The following MACROD2 variants were observed in gnomAD, a reference collection of about 807,000 sequenced individuals.
MACROD2 encodes the protein ADP-ribose glycohydrolase MACROD2.
A neutral mutation model predicts 70.4 loss-of-function variants in MACROD2; 36 were observed. The ratio of observed to expected loss-of-function variants is 0.51; its 90% CI spans 0.39 to 0.68. MACROD2 has a LOEUF of 0.68. Among genes scored for constraint, MACROD2 ranks in the 30% least tolerant of loss-of-function variants. MACROD2 has a pLI of 0.00. For missense variants in MACROD2, 496 were observed against 538.4 expected (o/e 0.92, Z 0.78); for synonymous variants, 172 against 178.8 (o/e 0.96, Z 0.30).
At chr20:15,979,879 C>T (rs910190417) in intron 13 of MACROD2, among the ~76,000 whole-genome samples, 1 of 152,046 alleles carries the variant, frequency 6.6e-6, no homozygotes, top group Admixed American at 6.5e-5. Context: ...TGTAGCAGGA[C>T]GAGCCGCAGA....
At chr20:14,468,419 A>T (rs1349821423) in intron 3 of MACROD2, among the ~76,000 whole-genome samples, 4 of 145,026 alleles carry the variant, frequency 2.8e-5, no homozygotes, top group Non-Finnish European at 4.5e-5. Flanking sequence ...TTTATCAGAG[A>T]CTAGGATTGC....
chr20:14,520,476 G>GT (rs2085154330), intron 4 of MACROD2, among the ~76,000 whole-genome samples: 1 of 85,422 alleles, frequency 1.2e-5, no homozygotes, highest in South Asian at 3.6e-4. Context: ...CACTGTTTGA[G>GT]GTTTTTTTTG....
intron 9 of MACROD2, among the ~76,000 whole-genome samples, chr20:15,880,298 A>G (rs1036078096): frequency 2.0e-5 from 3 of 151,938 alleles, no homozygotes; most frequent in Non-Finnish European, 4.4e-5. Flanking sequence ...AGCTAGTTTT[A>G]TTTCCTTAAA....
rs188398045 is a variant in MACROD2, at chr20:14,807,373, C to A, written c.418+122414C>A. ...GGCCTGACTGTTAGAAGGAAACTAA[C>A]AAACAGAAAGCAATATCATCAACAT... On this transcript the variant is annotated intron_variant, in intron 5 of 17. Coordinates refer to ENST00000684519, the MANE Select transcript of MACROD2 (RefSeq NM_001351661.2). Among the ~76,000 whole-genome samples, 8 of 152,210 alleles carry A rather than the reference C, an allele frequency of 5.3e-5. No homozygotes were observed. The East Asian group carries it at 1.5e-3, about 29-fold the overall frequency.
Position 14,789,072 on chromosome 20 carries a change from G to A in MACROD2, c.418+104113G>A, listed in dbSNP as rs375418039. Among the ~76,000 whole-genome samples the A allele has an allele frequency of 8.6e-5, 13 of 151,834 alleles. No homozygotes were observed. The East Asian group carries it at 1.5e-3, about 18-fold the overall frequency. The stretch of plus-strand genomic sequence containing the variant: ...GCATGAGCCACCACGCCTGGTCCCC[G>A]TGTTATTTTTAAAAGGTATCCTTGC... On this transcript the variant is annotated intron_variant, in intron 5 of 17. Transcript: ENST00000684519.
At chr20:14,125,865 G>T (rs903220021) in intron 3 of MACROD2, among the ~76,000 whole-genome samples, 2 of 152,126 alleles carry the variant, frequency 1.3e-5, no homozygotes, top group Non-Finnish European at 2.9e-5. Context: ...TATTGGATTG[G>T]GTTGGACTGG....
intron 8 of MACROD2, among the ~76,000 whole-genome samples, chr20:15,800,946 A>G (rs2063718873): frequency 6.6e-6 from 1 of 151,506 alleles, no homozygotes; most frequent in African/African-American, 2.4e-5. Flanking sequence ...GAATGGATTA[A>G]GGGTGGTGCA....
intron 9 of MACROD2, among the ~76,000 whole-genome samples, chr20:15,881,276 G>A (rs913489264): frequency 6.6e-6 from 1 of 152,094 alleles, no homozygotes; most frequent in Non-Finnish European, 1.5e-5. Flanking sequence ...TGCAGGGCTA[G>A]CCAAGCAGAG....
chr20:15,009,246 C>T (rs1332133635), intron 5 of MACROD2, among the ~76,000 whole-genome samples: 2 of 152,118 alleles, frequency 1.3e-5, no homozygotes, highest in African/African-American at 4.8e-5. Flanking sequence ...AACACTCCAC[C>T]AAGAGTAGTT....
chr20:15,927,835 T>C (rs2065513909), intron 10 of MACROD2, among the ~76,000 whole-genome samples: 1 of 152,178 alleles, frequency 6.6e-6, no homozygotes, highest in Non-Finnish European at 1.5e-5. Flanking sequence ...CTCCCTCCTT[T>C]CCTTCCTTCT....
chr20:14,382,700 A>G (rs1359500050), intron 3 of MACROD2, among the ~76,000 whole-genome samples: 2 of 152,026 alleles, frequency 1.3e-5, no homozygotes, highest in East Asian at 3.9e-4. Flanking sequence ...ATAAATAAAT[A>G]AAAGGTTAAT....
intron 5 of MACROD2, among the ~76,000 whole-genome samples, chr20:14,851,150 ACTTAC>A (rs2073195230): frequency 1.3e-5 from 2 of 152,024 alleles, no homozygotes; most frequent in African/African-American, 4.8e-5. Flanking sequence ...AAAAAGAATC[ACTTAC>A]CTTTTATGAA....
intron 5 of MACROD2, among the ~76,000 whole-genome samples, chr20:15,197,232 A>G (rs1316779228): frequency 1.3e-5 from 2 of 152,174 alleles, no homozygotes; most frequent in Non-Finnish European, 1.5e-5. Flanking sequence ...TTCAATGTTC[A>G]TCATAAAAAT....
chr20:14,663,559 C>G (rs1600513502), intron 4 of MACROD2, among the ~76,000 whole-genome samples: 1 of 147,926 alleles, frequency 6.8e-6, no homozygotes, highest in South Asian at 2.1e-4. Context: ...CACACACATG[C>G]ACACATATAT....
At chr20:15,228,556 C>G (rs1308108124) in intron 5 of MACROD2, among the ~76,000 whole-genome samples, 1 of 133,272 alleles carries the variant, frequency 7.5e-6, no homozygotes, top group African/African-American at 2.9e-5. Flanking sequence ...GCGGTGCAAT[C>G]TCGGCTCACT....
At chr20:15,979,616 T>TA (rs2066366049) in intron 13 of MACROD2, among the ~76,000 whole-genome samples, 1 of 152,170 alleles carries the variant, frequency 6.6e-6, no homozygotes, top group African/African-American at 2.4e-5. Context: ...GAATGTTTTT[T>TA]AAAAAATTCC....
intron 5 of MACROD2, among the ~76,000 whole-genome samples, chr20:15,107,773 G>A (rs960557001): frequency 6.2e-4 from 95 of 152,044 alleles, no homozygotes; most frequent in African/African-American, 2.2e-3. Context: ...CTACTTACCT[G>A]TGTTTGTTGT....
intron 8 of MACROD2, among the ~76,000 whole-genome samples, chr20:15,600,522 T>C (rs2048804895): frequency 6.6e-6 from 1 of 152,200 alleles, no homozygotes; most frequent in South Asian, 2.1e-4. Flanking sequence ...CTCTATCTCT[T>C]TTGATGACAA....
intron 10 of MACROD2, among the ~76,000 whole-genome samples, chr20:15,889,434 C>A (rs2064861770): frequency 6.6e-6 from 1 of 152,164 alleles, no homozygotes; most frequent in Non-Finnish European, 1.5e-5. Flanking sequence ...AATAGCAGAG[C>A]CAGAATTTGA....
Sources: allele counts gnomAD v4.1 joint callset (sites outside exome capture counted in the v4.1 genomes callset), GRCh38; gene constraint gnomAD v4.1.1; transcripts MANE v1.5; gene names NCBI Gene and HGNC (gene_info 2026-07-23, HGNC 2026-07-21).